Variants in CAMKMT observed in about 807,000 individuals in gnomAD.
CAMKMT encodes CaM KMT.
Under a neutral mutation model 48.0 loss-of-function variants are expected in CAMKMT, and 53 were observed. The ratio of observed to expected loss-of-function variants is 1.10; its 90% CI spans 0.89 to 1.39. CAMKMT has a LOEUF of 1.39. CAMKMT is among the 40% of genes most tolerant of loss of function. The probability of loss-of-function intolerance (pLI) is 0.00; values close to 1 mark genes in which losing one functional copy is unlikely to be tolerated. For synonymous variants in CAMKMT, 165 were observed against 152.3 expected (o/e 1.08, Z -0.61); for missense variants, 428 against 402.7 (o/e 1.06, Z -0.54).
chr2:44,399,860 C>T (rs1682202966), intron 3 of CAMKMT, among the ~76,000 whole-genome samples: 1 of 152,116 alleles, frequency 6.6e-6, no homozygotes, highest in Non-Finnish European at 1.5e-5. Context: ...CGTTTGCCTC[C>T]AGTGGTCGCA....
At chr2:44,457,486 C>T (rs927638774) in intron 3 of CAMKMT, among the ~76,000 whole-genome samples, 3 of 151,620 alleles carry the variant, frequency 2.0e-5, no homozygotes, top group Non-Finnish European at 4.4e-5. Context: ...GCAACCTCCA[C>T]CCCCCGGGTT....
chr2:44,610,138 G>GT (rs895276686), intron 3 of CAMKMT, among the ~76,000 whole-genome samples: 3 of 152,096 alleles, frequency 2.0e-5, no homozygotes, highest in Non-Finnish European at 4.4e-5. Context: ...ATAGAAATGT[G>GT]TTCATTGAGA....
intron 3 of CAMKMT, among the ~76,000 whole-genome samples, chr2:44,458,112 T>C (rs1303143984): frequency 6.7e-6 from 1 of 150,130 alleles, no homozygotes; most frequent in South Asian, 2.1e-4. Context: ...AGTGGTGCAT[T>C]CTCGGCTCAC....
At chr2:44,514,479 G>T (rs1375513756) in intron 3 of CAMKMT, among the ~76,000 whole-genome samples, 2 of 152,210 alleles carry the variant, frequency 1.3e-5, no homozygotes, top group Middle Eastern at 3.2e-3. Context: ...TGCTCTGAGA[G>T]CAGGCGGACA....
intron 3 of CAMKMT, among the ~76,000 whole-genome samples, chr2:44,557,015 CAA>C (rs1354834134): frequency 6.6e-6 from 1 of 152,170 alleles, no homozygotes; most frequent in African/African-American, 2.4e-5. Context: ...CAACAGCATG[CAA>C]AAGTTTTATC....
chr2:44,424,310 G>A (rs1684121997), intron 3 of CAMKMT, among the ~76,000 whole-genome samples: 1 of 151,894 alleles, frequency 6.6e-6, no homozygotes, highest in Non-Finnish European at 1.5e-5. Context: ...GGGAGCATCG[G>A]TAGACGCTCA....
chr2:44,677,809 T>C (rs1427828476), intron 3 of CAMKMT, among the ~76,000 whole-genome samples: 2 of 152,200 alleles, frequency 1.3e-5, no homozygotes, highest in African/African-American at 4.8e-5. Context: ...TGTACTCCAT[T>C]CCAATCTCCT....
chr2:44,433,070 T>G (rs1440743788), intron 3 of CAMKMT, among the ~76,000 whole-genome samples: 1 of 152,206 alleles, frequency 6.6e-6, no homozygotes, highest in Non-Finnish European at 1.5e-5. Context: ...CAGAGAGGAA[T>G]TTGAACACCC....
intron 3 of CAMKMT, among the ~76,000 whole-genome samples, chr2:44,551,013 T>C (rs1231181567): frequency 6.6e-6 from 1 of 152,222 alleles, no homozygotes; most frequent in East Asian, 1.9e-4. Context: ...CAGATGTTTT[T>C]AAAATTGTTT....
intron 3 of CAMKMT, among the ~76,000 whole-genome samples, chr2:44,574,615 A>C (rs1264981627): frequency 2.2e-5 from 3 of 135,890 alleles, no homozygotes; most frequent in African/African-American, 5.5e-5. Context: ...GGGGAAAAAA[A>C]AGTCAAAACA....
At chr2:44,381,343 C>T (rs933923104) in intron 2 of CAMKMT, among the ~76,000 whole-genome samples, 1 of 151,966 alleles carries the variant, frequency 6.6e-6, no homozygotes, top group Non-Finnish European at 1.5e-5. Context: ...GTTATTTCTA[C>T]TTGTTTCAGA....
At chr2:44,468,172 A>T (rs1298919434) in intron 3 of CAMKMT, among the ~76,000 whole-genome samples, 2 of 152,216 alleles carry the variant, frequency 1.3e-5, no homozygotes, top group Non-Finnish European at 2.9e-5. Context: ...CAAATAATCT[A>T]ACAAAAATGA....
chr2:44,713,538 G>A (rs1444592937), intron 6 of CAMKMT, among the ~76,000 whole-genome samples: 3 of 151,990 alleles, frequency 2.0e-5, no homozygotes, highest in Non-Finnish European at 4.4e-5. Context: ...ACTGTAGGCC[G>A]ATGTGTCATT....
chr2:44,438,985 C>A (rs1483536868), intron 3 of CAMKMT, among the ~76,000 whole-genome samples: 1 of 152,012 alleles, frequency 6.6e-6, no homozygotes, highest in Non-Finnish European at 1.5e-5. Context: ...CCTGTGCACC[C>A]TTCTCTCATT....
At chr2:44,466,443 TCAC>T (rs1236777569) in intron 3 of CAMKMT, among the ~76,000 whole-genome samples, 2 of 151,988 alleles carry the variant, frequency 1.3e-5, no homozygotes, top group East Asian at 1.9e-4. Flanking sequence ...GTCAAAAAAA[TCAC>T]CAGAGAAATT....
intron 2 of CAMKMT, among the ~76,000 whole-genome samples, chr2:44,381,053 G>A (rs761989043): frequency 8.6e-5 from 13 of 152,016 alleles, no homozygotes; most frequent in East Asian, 3.9e-4. Flanking sequence ...CCAGCTACTC[G>A]GGAGGCTGAG....
At chr2:44,651,304 T>C (rs1425760663) in intron 3 of CAMKMT, among the ~76,000 whole-genome samples, 1 of 152,214 alleles carries the variant, frequency 6.6e-6, no homozygotes, top group African/African-American at 2.4e-5. Flanking sequence ...TCAACTGACT[T>C]ACGCATCCTT....
chr2:44,590,315 G>T (rs1670181168), intron 3 of CAMKMT, among the ~76,000 whole-genome samples: 1 of 152,132 alleles, frequency 6.6e-6, no homozygotes, highest in Admixed American at 6.5e-5. Flanking sequence ...TTTTCTCAAA[G>T]AGTTTGAGAA....
chr2:44,601,097 A>G (rs1283330456), intron 3 of CAMKMT, among the ~76,000 whole-genome samples: 1 of 152,126 alleles, frequency 6.6e-6, no homozygotes, highest in Non-Finnish European at 1.5e-5. Context: ...AATATAACCA[A>G]TATCAGTTAA....
Sources: gnomAD v4.1 joint callset for allele counts (sites outside exome capture counted in the v4.1 genomes callset) on GRCh38, gnomAD v4.1.1 for gene constraint, MANE v1.5 for transcripts, NCBI Gene and HGNC (gene_info 2026-07-23, HGNC 2026-07-21) for gene names.